WRN: variants seen among roughly 807,000 people sequenced by gnomAD.
WRN encodes bifunctional 3'-5' exonuclease/ATP-dependent helicase WRN.
In WRN, 149 loss-of-function variants were observed where a neutral mutation model predicts 180.7. That is an observed-to-expected ratio of 0.82 (90% CI 0.72 to 0.94). WRN has a LOEUF of 0.94. Ranked by LOEUF, WRN falls within the 40% of genes least tolerant of loss-of-function variation. The pLI is 0.00. For missense variants in WRN, 1,661 were observed against 1,700.1 expected, an observed-to-expected ratio of 0.98 and a Z score of 0.40; for synonymous variants, 548 against 568.9, an observed-to-expected ratio of 0.96 and a Z score of 0.52.
At chr8:31,125,998 A>ATATATATATATATATATATATATATATC (rs1267704813) in intron 23 of WRN, among the ~76,000 whole-genome samples, 9 of 145,442 alleles carry the variant, frequency 6.2e-5, no homozygotes, top group African/African-American at 2.0e-4. Context: ...ATATATATAT[A>ATATATATATATATATATATATATATATC]TCTACTTAAC....
At chr8:31,071,015 C>T (rs1321895714) in intron 7 of WRN, among the ~76,000 whole-genome samples, 1 of 148,086 alleles carries the variant, frequency 6.8e-6, no homozygotes, top group African/African-American at 2.5e-5. Context: ...CATTGCACTC[C>T]AGCCTGCACA....
chr8:31,161,879 C>T (rs1021628957), intron 33 of WRN, among the ~76,000 whole-genome samples: 2 of 147,204 alleles, frequency 1.4e-5, no homozygotes, highest in Non-Finnish European at 3.0e-5. Context: ...TACATCTGTA[C>T]AGGGCACTTA....
chr8:31,163,067 G>A (rs868018714), intron 33 of WRN, among the ~76,000 whole-genome samples: 1 of 152,222 alleles, frequency 6.6e-6, no homozygotes, highest in Non-Finnish European at 1.5e-5. Context: ...TACAATTTAA[G>A]AATTCAAACA....
chr8:31,087,341 TG>T (rs1813571856), intron 11 of WRN, among the ~76,000 whole-genome samples: 1 of 152,252 alleles, frequency 6.6e-6, no homozygotes, highest in African/African-American at 2.4e-5. Flanking sequence ...ACACATTTAT[TG>T]TTTGCTCATA....
chr8:31,081,024 A>G lies in WRN; in HGVS notation c.997A>G (p.Ile333Val), dbSNP rs2130118767. ...TACTGGGGGAGTACAACAGAAACAA[A>G]TTAGAGAACATGAAGTTTTAATTCA... is the stretch of plus-strand genomic sequence containing the variant. Reference protein sequence around the residue: ...STTGGVQQKQIREHEVLIHVE... With the variant: ...STTGGVQQKQVREHEVLIHVE... The change falls in exon 9 of 35, where the codon ATT becomes GTT. Residue 333 changes from isoleucine to valine, a missense_variant. Physicochemically the swap from Ile to Val is conservative, Grantham distance 29. Around this residue, in one of 3 missense-constraint regions of WRN, gnomAD observed 500 missense variants for 504.1 expected, o/e 0.99. Transcript: ENST00000298139. The G allele has an allele frequency of 1.2e-6, 2 of 1,614,070 alleles. No homozygotes were observed. The highest frequency in any genetic ancestry group is 1.1e-5 in the South Asian group (1 of 91,088).
chr8:31,149,935 G>T (rs192754840), intron 30 of WRN, among the ~76,000 whole-genome samples: 1 of 152,316 alleles, frequency 6.6e-6, no homozygotes, highest in Non-Finnish European at 1.5e-5. Flanking sequence ...CTTTGTAGAA[G>T]AAAATAATGA....
chr8:31,103,883 C>T (rs951426719), intron 18 of WRN, among the ~76,000 whole-genome samples: 7 of 152,032 alleles, frequency 4.6e-5, no homozygotes, highest in Admixed American at 6.6e-5. Context: ...TACAGGCGCC[C>T]GCCACTGTGC....
At chr8:31,078,863 T>C (rs868228708) in intron 8 of WRN, among the ~76,000 whole-genome samples, 16 of 152,192 alleles carry the variant, frequency 1.1e-4, no homozygotes, top group South Asian at 6.2e-4. Flanking sequence ...AGAGTAAATA[T>C]TAGTTATCTT....
intron 1 of WRN, among the ~76,000 whole-genome samples, chr8:31,035,293 T>TG (rs1227535148): frequency 5.3e-5 from 8 of 151,418 alleles, no homozygotes; most frequent in Middle Eastern, 6.8e-3. Context: ...GTGTTGTGGG[T>TG]GGGGGGCTGT....
chr8:31,059,672 C>T (rs1309940815), intron 3 of WRN, among the ~76,000 whole-genome samples: 6 of 152,080 alleles, frequency 3.9e-5, no homozygotes, highest in African/African-American at 1.4e-4. Context: ...TTAAAAATAT[C>T]AACATAGTAA....
chr8:31,172,149 G>A (rs977212589), intron 34 of WRN, among the ~76,000 whole-genome samples: 1 of 151,922 alleles, frequency 6.6e-6, no homozygotes, highest in African/African-American at 2.4e-5. Context: ...TTGTGTGTGT[G>A]TGTGTGTGTG....
Position 31,090,757 on chromosome 8 carries a change from A to G in WRN, c.1721-77A>G. On this transcript the variant is annotated intron_variant, in intron 14 of 34. Transcript: ENST00000298139. ...TTCATCTGTATAAGTACATTGTAAA[A>G]AGAAATGAAAGCATCAAAGGTTTAT... 5 of 1,282,776 alleles carry G rather than the reference A, an allele frequency of 3.9e-6. No homozygotes were observed. The South Asian group carries it at 6.8e-5, about 17-fold the overall frequency. 79.5% of individuals were successfully genotyped at this position (1,282,776 alleles called of 1,614,324 possible). A position where few individuals can be genotyped will look rare whatever the true frequency, so the allele number is the denominator to read the frequency against.
chr8:31,167,240 A>G lies in WRN; in HGVS notation c.4191+10A>G, dbSNP rs1215065072. The G allele has an allele frequency of 1.1e-5, 17 of 1,603,228 alleles. No homozygotes were observed. The highest frequency in any genetic ancestry group is 2.7e-5 in the African/African-American group (2 of 74,352). ...AGGCATCAATACTGAGGTATTAATT[A>G]TATATAGAATTTTCATAAAGTGTCA... On this transcript the variant is annotated intron_variant, in intron 34 of 34. Transcript: ENST00000298139.
At position 31,056,207 on chromosome 8, in the gene WRN, G is replaced by A. The variant is rs118127086; in HGVS notation, c.-76-2165G>A. On this transcript the variant is annotated intron_variant, in intron 1 of 34. Coordinates refer to ENST00000298139, the MANE Select transcript of WRN (RefSeq NM_000553.6). ...AGAAGTCTACAGGTGTTTTTATAAA[G>A]TTTGTGTTATTTGTGGAAACCTCAG... 3.6e-3 allele frequency among the ~76,000 whole-genome samples: 541 copies of A among 152,296 alleles called. 2 individuals are homozygous for A. Among genetic ancestry groups the A allele is most frequent in the Middle Eastern group, 0.017 (5 of 294 alleles).
At position 31,125,015 on chromosome 8, in the gene WRN, T is replaced by C; in HGVS notation, c.2825+15T>C. 1.2e-6 allele frequency: 2 copies of C among 1,603,906 alleles called. No individual in the cohort carries two copies. Among genetic ancestry groups the C allele is most frequent in the Non-Finnish European group, 1.7e-6 (2 of 1,171,396 alleles). On this transcript the variant is annotated intron_variant, in intron 23 of 34. Coordinates refer to ENST00000298139, the MANE Select transcript of WRN (RefSeq NM_000553.6). ...TGCAGGTCCAGGTAAAGATTTCTTATTATAGATGGACATTCTAAAAGTCTT... is the reference window on the plus strand; with the variant it reads ...TGCAGGTCCAGGTAAAGATTTCTTACTATAGATGGACATTCTAAAAGTCTT...
At chr8:31,051,260 C>A (rs1407086072) in intron 1 of WRN, among the ~76,000 whole-genome samples, 2 of 152,028 alleles carry the variant, frequency 1.3e-5, no homozygotes, top group Admixed American at 6.6e-5. Flanking sequence ...TGAGACTGGC[C>A]TCTTGAGACT....
chr8:31,076,137 G>T, intron 7 of WRN, 36 bp from the exon 8 acceptor site: 1 of 1,504,068 alleles, frequency 6.6e-7, no homozygotes, highest in Non-Finnish European at 9.3e-7. Context: ...TCTGCTTTGT[G>T]GTTTGAAAAT....
chr8:31,077,957 T>C (rs1177605709), intron 8 of WRN, among the ~76,000 whole-genome samples: 3 of 152,138 alleles, frequency 2.0e-5, no homozygotes, highest in Non-Finnish European at 1.5e-5. Context: ...TCTGATGGGT[T>C]AGTGACTGTG....
chr8:31,035,798 T>C (rs192493327), intron 1 of WRN, among the ~76,000 whole-genome samples: 1 of 152,316 alleles, frequency 6.6e-6, no homozygotes, highest in East Asian at 1.9e-4. Flanking sequence ...ATACAATGGT[T>C]TTTAGTTTGT....
Sources: gnomAD v4.1 joint callset for allele counts (sites outside exome capture counted in the v4.1 genomes callset) on GRCh38, gnomAD v4.1.1 for gene constraint, gnomAD v4.1.1 regional missense constraint, MANE v1.5 for transcripts, NCBI Gene and HGNC (gene_info 2026-07-23, HGNC 2026-07-21) for gene names.